MPP7: variants seen among roughly 807,000 people sequenced by gnomAD.
MPP7 encodes the protein MAGUK p55 scaffold protein 7.
Under a neutral mutation model 76.5 loss-of-function variants are expected in MPP7, and 60 were observed. The ratio of observed to expected loss-of-function variants is 0.78; its 90% confidence interval spans 0.64 to 0.97. MPP7 has a LOEUF of 0.97. Among genes scored for constraint, MPP7 ranks in the 50% least tolerant of loss-of-function variants. The pLI is 0.00. For missense variants in MPP7, 641 were observed against 694.0 expected (o/e 0.92, Z 0.86); for synonymous variants, 237 against 244.5 (o/e 0.97, Z 0.29).
intron 12 of MPP7, among the ~76,000 whole-genome samples, chr10:28,084,882 T>A (rs1247647049): frequency 6.6e-6 from 1 of 152,176 alleles, no homozygotes; most frequent in Admixed American, 6.5e-5. Context: ...CTAGACAGTG[T>A]GCAGAATTAG....
At position 28,058,509 on chromosome 10, in the gene MPP7, C is replaced by T; in HGVS notation, c.1393G>A (p.Asp465Asn). 1 of 1,597,978 alleles carries T rather than the reference C, an allele frequency of 6.3e-7. No individual in the cohort carries two copies. Among genetic ancestry groups the T allele is most frequent in the East Asian group, 2.2e-5 (1 of 44,470 alleles). ...VLAKNKVCLLDVQPHTVKHLR... is the reference protein window; with the variant it reads ...VLAKNKVCLLNVQPHTVKHLR... ...TGTTTACTTACATGAGGCTGAACAT[C>T]CAACAAACAAACTTTGTTTTTAGCA... is the stretch of plus-strand genomic sequence containing the variant. The change falls in exon 15 of 17, where the codon GAT (aspartate) becomes AAT (asparagine). Residue 465 changes from aspartate (D) to asparagine (N), a missense_variant. Transcript: ENST00000683449.
chr10:28,111,596 C>T (rs968653848), intron 11 of MPP7, among the ~76,000 whole-genome samples: 1 of 152,070 alleles, frequency 6.6e-6, no homozygotes, highest in Non-Finnish European at 1.5e-5. Context: ...TTAGAAACAA[C>T]AAATTTTGTC....
chr10:28,057,675 C>A, intron 15 of MPP7: 1 of 1,114,260 alleles, frequency 9.0e-7, no homozygotes, highest in Non-Finnish European at 1.1e-6. Context: ...CAGAGCAGTG[C>A]AACAAGGGAC....
Position 28,322,892 on chromosome 10 carries a change from C to T in MPP7, c.-132+7037G>A, listed in dbSNP as rs75439880. ...GCCTCCATTGTTTCATTAAGCAGTC[C>T]CCTGTAGTTCTAACACTCTGGGAGG... On this transcript the variant is annotated intron_variant, in intron 2 of 11. Transcript: ENST00000441595. 1.4e-3 allele frequency among the ~76,000 whole-genome samples: 210 copies of T among 152,174 alleles called. 5 individuals carry two copies. In the East Asian group the frequency reaches 0.036, roughly 26 times the overall value.
At chr10:28,124,844 T>G (rs1220263301) in intron 7 of MPP7, among the ~76,000 whole-genome samples, 166 bp downstream of exon 7, 1 of 152,184 alleles carries the variant, frequency 6.6e-6, no homozygotes, top group Non-Finnish European at 1.5e-5. Flanking sequence ...AATGTTTATC[T>G]ATCATTTATT....
At chr10:28,150,442 G>A (rs953293555) in intron 3 of MPP7, among the ~76,000 whole-genome samples, 4 of 152,088 alleles carry the variant, frequency 2.6e-5, no homozygotes, top group Non-Finnish European at 5.9e-5. Flanking sequence ...TTATATTCCT[G>A]CTAAAAATGT....
At position 28,296,916 on chromosome 10, in the gene MPP7, T is replaced by C. The variant is rs192658347; in HGVS notation, c.-132+5945A>G. On this transcript the variant is annotated intron_variant, in intron 1 of 16. Transcript: ENST00000683449. Reference sequence around the variant, plus strand: ...AAGAAAGCAAAGCATAAGACTATGCTGAAAGAGCTAAGCCGCAGTTTACAT... The same window carrying C: ...AAGAAAGCAAAGCATAAGACTATGCCGAAAGAGCTAAGCCGCAGTTTACAT... Among the ~76,000 whole-genome samples, 56 of 152,260 alleles carry C rather than the reference T, an allele frequency of 3.7e-4. No homozygotes were observed. The East Asian group carries it at 8.5e-3, about 23-fold the overall frequency.
intron 3 of MPP7, among the ~76,000 whole-genome samples, chr10:28,165,989 C>T (rs1219874114): frequency 6.8e-6 from 1 of 146,268 alleles, no homozygotes; most frequent in Non-Finnish European, 1.5e-5. Flanking sequence ...CGCGCCACTG[C>T]ACTCCAGCCT....
intron 2 of MPP7, among the ~76,000 whole-genome samples, chr10:28,223,996 G>C (rs1242090371): frequency 1.3e-5 from 2 of 151,484 alleles, no homozygotes; most frequent in South Asian, 2.1e-4. Flanking sequence ...AGGAGTTCGA[G>C]ACCAGCCTAG....
At chr10:28,269,982 T>C (rs1840269189) in intron 1 of MPP7, among the ~76,000 whole-genome samples, 1 of 152,234 alleles carries the variant, frequency 6.6e-6, no homozygotes, top group Non-Finnish European at 1.5e-5. Flanking sequence ...CTGGTTTTAC[T>C]GGTTCTCTTA....
chr10:28,229,884 G>A (rs1429650422), intron 2 of MPP7, among the ~76,000 whole-genome samples: 8 of 135,496 alleles, frequency 5.9e-5, no homozygotes, highest in African/African-American at 2.3e-4. Flanking sequence ...GCTAGACTCC[G>A]TCTCAAAAAA....
At chr10:28,195,311 A>G (rs1381299408) in intron 3 of MPP7, among the ~76,000 whole-genome samples, 1 of 152,216 alleles carries the variant, frequency 6.6e-6, no homozygotes, top group African/African-American at 2.4e-5. Context: ...AAAATGGTTC[A>G]GCCACTTAGA....
At chr10:28,279,371 G>C (rs1840599140) in intron 1 of MPP7, among the ~76,000 whole-genome samples, 1 of 152,016 alleles carries the variant, frequency 6.6e-6, no homozygotes. Flanking sequence ...CCTTCTAAGA[G>C]GTGAATCTCT....
At chr10:28,275,970 G>T (rs1391980386) in intron 1 of MPP7, among the ~76,000 whole-genome samples, 2 of 151,338 alleles carry the variant, frequency 1.3e-5, no homozygotes, top group Non-Finnish European at 2.9e-5. Context: ...CTAGCACATA[G>T]TAGGTCTGCA....
rs575031349 is a variant in MPP7 at position 28,301,715 on chromosome 10, TAGG to T, written c.-132+1143_-132+1145del. On this transcript the variant is annotated intron_variant, in intron 1 of 16. Coordinates refer to ENST00000683449, the MANE Select transcript of MPP7 (RefSeq NM_001318170.2). Reference sequence around the variant, plus strand: ...CTATGCACAGCCTGCCTCAGAAGAGTAGGAGGATGGCATACTATATAATTGATA... The same window carrying T: ...CTATGCACAGCCTGCCTCAGAAGAGTAGGATGGCATACTATATAATTGATA... 8.5e-5 allele frequency among the ~76,000 whole-genome samples: 13 copies of T among 152,064 alleles called. No homozygotes were observed. The East Asian group carries it at 2.3e-3, about 27-fold the overall frequency.
intron 3 of MPP7, among the ~76,000 whole-genome samples, chr10:28,169,919 C>T (rs1488794354): frequency 1.3e-5 from 2 of 152,182 alleles, no homozygotes; most frequent in Non-Finnish European, 2.9e-5. Flanking sequence ...CCCACTCTCC[C>T]TTATCTTGCA....
At chr10:28,184,236 T>A (rs1266835056) in intron 3 of MPP7, among the ~76,000 whole-genome samples, 2 of 148,278 alleles carry the variant, frequency 1.3e-5, no homozygotes, top group African/African-American at 2.5e-5. Flanking sequence ...TATCTTAACA[T>A]ATTATTATAA....
At chr10:28,278,640 T>C (rs1410245413) in intron 1 of MPP7, among the ~76,000 whole-genome samples, 3 of 151,966 alleles carry the variant, frequency 2.0e-5, no homozygotes, top group South Asian at 2.1e-4. Flanking sequence ...TTAATGAACA[T>C]GTAACACTGT....
chr10:28,135,470 T>G (rs1348686334), intron 5 of MPP7, among the ~76,000 whole-genome samples: 1 of 152,244 alleles, frequency 6.6e-6, no homozygotes, highest in Non-Finnish European at 1.5e-5. Flanking sequence ...AGGATGTTAC[T>G]GCCATCTACT....
Sources: gnomAD v4.1 joint callset for allele counts (sites outside exome capture counted in the v4.1 genomes callset) on GRCh38, gnomAD v4.1.1 for gene constraint, MANE v1.5 for transcripts, NCBI Gene and HGNC (gene_info 2026-07-23, HGNC 2026-07-21) for gene names.